Variants in CNOT8 observed in about 807,000 individuals in gnomAD.
CNOT8 encodes CCR4-NOT transcription complex subunit 8, also known as CAF1-like protein.
CNOT8 carries 18 observed loss-of-function variants against 34.6 expected under a neutral mutation model. That is an observed-to-expected ratio of 0.52 (90% confidence interval 0.36 to 0.77). CNOT8 has a LOEUF of 0.77. Ranked by LOEUF, CNOT8 falls within the 30% of genes least tolerant of loss-of-function variation. The pLI, the probability that CNOT8 is intolerant of heterozygous loss-of-function variation, is 0.00. For synonymous variants in CNOT8, 101 were observed against 118.8 expected, an observed-to-expected ratio of 0.85 and a Z score of 0.98; for missense variants, 189 against 347.9, an observed-to-expected ratio of 0.54 and a Z score of 3.63.
chr5:154,870,096 CCTAGA>C (rs925556971), intron 3 of CNOT8, among the ~76,000 whole-genome samples: 3 of 152,142 alleles, frequency 2.0e-5, no homozygotes, highest in Admixed American at 6.5e-5. Flanking sequence ...TGCTCTGTCA[CCTAGA>C]CTAGAGTGCA....
At chr5:154,874,557 C>T (rs879720027) in intron 6 of CNOT8, among the ~76,000 whole-genome samples, 76 of 152,132 alleles carry the variant, frequency 5.0e-4, no homozygotes, top group African/African-American at 1.6e-3. Context: ...TCTTTCGAGA[C>T]GGAGTCTTGC....
At chr5:154,872,398 A>G in intron 5 of CNOT8, 143 bp from the exon 6 acceptor site, 1 of 530,322 alleles carries the variant, frequency 1.9e-6, no homozygotes, top group East Asian at 3.1e-5. Context: ...AAAAGAGCTA[A>G]AAAGAGGTTA....
chr5:154,872,483 G>A, intron 5 of CNOT8, 58 bp from the exon 6 acceptor site: 1 of 1,085,070 alleles, frequency 9.2e-7, no homozygotes, highest in Non-Finnish European at 1.4e-6. Flanking sequence ...CACTTAGTTG[G>A]CTCCAGTAGG....
At chr5:154,863,124 A>G (rs1273197608) in intron 1 of CNOT8, 83 bp from the exon 2 acceptor site, 2 of 622,172 alleles carry the variant, frequency 3.2e-6, no homozygotes, top group Non-Finnish European at 5.8e-6. Flanking sequence ...AAGTGATTGT[A>G]AAATATTATT....
In CNOT8 at chr5:154,863,384, T is replaced by C. The variant is rs778425587; in HGVS notation, c.106T>C (p.Tyr36His). 1.6e-5 allele frequency: 25 copies of C among 1,609,434 alleles called. No homozygotes were observed. Among genetic ancestry groups the C allele is most frequent in the Non-Finnish European group, 2.1e-5 (25 of 1,175,944 alleles). ...CCGAGAAATCGTGCTCAGTTACAGT[T>C]ATATTGCCATGGTAAGGAGCTCTAC... ...KIREIVLSYS[Y>H]IAMDTEFPGV... Residue 36 changes from tyrosine to histidine, a missense_variant, in exon 2 of 7, where the codon TAT becomes CAT. Physicochemically the swap from Tyr to His is moderately conservative, Grantham distance 83. This residue lies in a region of CNOT8 where 160 missense variants were observed against 321.9 expected (regional missense o/e 0.50). Transcript: ENST00000285896.
At chr5:154,874,108 G>A (rs1002514300) in intron 6 of CNOT8, among the ~76,000 whole-genome samples, 2 of 152,070 alleles carry the variant, frequency 1.3e-5, no homozygotes, top group African/African-American at 2.4e-5. Context: ...AAGTGAGTCC[G>A]GCTGAATCCA....
chr5:154,870,961 C>T (rs1195016252), intron 4 of CNOT8, 139 bp downstream of exon 4: 5 of 736,260 alleles, frequency 6.8e-6, no homozygotes, highest in Non-Finnish European at 1.1e-5. Flanking sequence ...TGCTTGTTGC[C>T]CATGTTTCAG....
intron 6 of CNOT8, among the ~76,000 whole-genome samples, chr5:154,874,338 A>G (rs886141976): frequency 2.0e-5 from 3 of 151,968 alleles, no homozygotes; most frequent in South Asian, 4.2e-4. Flanking sequence ...GCACTTTGGG[A>G]GGCCGAGGCA....
At chr5:154,875,197 G>A (rs1332422629) in intron 6 of CNOT8, 93 bp from the exon 7 acceptor site, 25 of 1,389,732 alleles carry the variant, frequency 1.8e-5, no homozygotes, top group Admixed American at 5.6e-5. Flanking sequence ...GATTCCAGAC[G>A]TGAGCCATTG....
chr5:154,860,331 C>G (rs1761209658), intron 1 of CNOT8, among the ~76,000 whole-genome samples: 1 of 152,098 alleles, frequency 6.6e-6, no homozygotes, highest in African/African-American at 2.4e-5. Flanking sequence ...GAGACGTGCT[C>G]TTGCTCAGTC....
chr5:154,875,318 C>T lies in CNOT8; in HGVS notation c.758C>T (p.Ala253Val), dbSNP rs748283320. The T allele has an allele frequency of 6.2e-7, 1 of 1,614,104 alleles. No homozygotes were observed. Among genetic ancestry groups the T allele is most frequent in the Admixed American group, 1.7e-5 (1 of 60,010 alleles). Reference protein sequence around the residue: ...ELFFEDSIDDAKYCGRLYGLG... With the variant: ...ELFFEDSIDDVKYCGRLYGLG... ...TTTTTTGAGGACAGCATTGATGATG[C>T]CAAGTACTGTGGGCGGCTCTATGGC... The change falls in exon 7 of 7, where the codon GCC becomes GTC. Residue 253 changes from alanine (A) to valine (V), a missense_variant. By Grantham distance (64) the Ala-to-Val change is moderately conservative. This residue lies in a region of CNOT8 where 160 missense variants were observed against 321.9 expected (regional missense o/e 0.50). Coordinates refer to ENST00000285896, the MANE Select transcript of CNOT8 (RefSeq NM_001301073.2).
At chr5:154,863,099 T>C in intron 1 of CNOT8, 108 bp from the exon 2 acceptor site, 1 of 548,960 alleles carries the variant, frequency 1.8e-6, no homozygotes, top group South Asian at 2.1e-5. Flanking sequence ...ATAATCTTAA[T>C]GTTTTAAACT....
At chr5:154,866,533 A>T (rs974541726) in intron 3 of CNOT8, among the ~76,000 whole-genome samples, 1 of 152,174 alleles carries the variant, frequency 6.6e-6, no homozygotes, top group African/African-American at 2.4e-5. Flanking sequence ...TGTAGTTTGT[A>T]CCATAAAAAT....
intron 5 of CNOT8, 108 bp downstream of exon 5, chr5:154,871,982 G>A (rs963944929): frequency 1.1e-6 from 1 of 885,796 alleles, no homozygotes; most frequent in African/African-American, 1.7e-5. Flanking sequence ...CTAGATGCTA[G>A]TGTGGTGGTA....
intron 4 of CNOT8, 57 bp downstream of exon 4, chr5:154,870,879 A>G: frequency 6.8e-7 from 1 of 1,471,632 alleles, no homozygotes; most frequent in Non-Finnish European, 9.3e-7. Flanking sequence ...GAAGCAGGGA[A>G]TTGAATTCTT....
rs200482243 is a variant in CNOT8 at position 154,868,263 on chromosome 5, C to CTTTT, written c.312-2397_312-2394dup. ...ATTTACTGCCTTTTCTTTTTCTTTTCTTTTCTTTTTTTTTTTTTTTTTTGA... is the reference window on the plus strand; with the variant it reads ...ATTTACTGCCTTTTCTTTTTCTTTTCTTTTTTTTCTTTTTTTTTTTTTTTTTTGA... On this transcript the variant is annotated intron_variant, in intron 3 of 6. Transcript: ENST00000285896. Among the ~76,000 whole-genome samples the CTTTT allele has an allele frequency of 2.1e-4, 27 of 127,266 alleles. 2 individuals are homozygous for CTTTT. The highest frequency in any genetic ancestry group is 4.8e-4 in the South Asian group (2 of 4,158). 83.5% of individuals were successfully genotyped at this position (127,266 alleles called of 152,430 possible).
At chr5:154,863,033 G>T (rs1215618565) in intron 1 of CNOT8, among the ~76,000 whole-genome samples, 174 bp from the exon 2 acceptor site, 1 of 152,094 alleles carries the variant, frequency 6.6e-6, no homozygotes, top group Non-Finnish European at 1.5e-5. Flanking sequence ...GTGCGTGTGT[G>T]CATGTGTGTG....
At chr5:154,869,617 T>G (rs1317192590) in intron 3 of CNOT8, among the ~76,000 whole-genome samples, 2 of 123,772 alleles carry the variant, frequency 1.6e-5, no homozygotes, top group African/African-American at 6.4e-5. Flanking sequence ...CTAATTTTTG[T>G]TTTTTTGTGT....
In CNOT8 at chr5:154,870,839, G is replaced by A. The variant is rs998328732; in HGVS notation, c.473+17G>A. The A allele has an allele frequency of 1.1e-5, 17 of 1,586,274 alleles. No individual in the cohort carries two copies. Among genetic ancestry groups the A allele is most frequent in the Admixed American group, 8.9e-5 (5 of 56,092 alleles). Reference sequence around the variant, plus strand: ...ATTTCATAGGTCAGTCCTAGGGAATGTGTATTTCTCTCTCACTTTGGGCTA... The same window carrying A: ...ATTTCATAGGTCAGTCCTAGGGAATATGTATTTCTCTCTCACTTTGGGCTA... On this transcript the variant is annotated intron_variant, in intron 4 of 6. Coordinates refer to ENST00000285896, the MANE Select transcript of CNOT8 (RefSeq NM_001301073.2).
Sources: allele counts gnomAD v4.1 joint callset (sites outside exome capture counted in the v4.1 genomes callset), GRCh38; gene constraint gnomAD v4.1.1; regional missense constraint gnomAD v4.1.1; transcripts MANE v1.5; gene names NCBI Gene and HGNC (gene_info 2026-07-23, HGNC 2026-07-21).